Variants in SORCS2 observed in about 807,000 individuals in gnomAD.
SORCS2 encodes the protein VPS10 domain-containing receptor SorCS2.
A neutral mutation model predicts 141.6 loss-of-function variants in SORCS2; 100 were observed. The observed-to-expected ratio is 0.71, with a 90% CI of 0.60 to 0.83. The LOEUF is 0.83. Ranked by LOEUF, SORCS2 falls within the 40% of genes least tolerant of loss-of-function variation. SORCS2 has a pLI of 0.00. For synonymous variants in SORCS2, 789 were observed against 676.9 expected (o/e 1.17, Z -2.57); for missense variants, 1,646 against 1,560.2 (o/e 1.05, Z -0.93).
chr4:7,326,841 G>A (rs116143669), intron 1 of SORCS2, among the ~76,000 whole-genome samples: 4,155 of 152,380 alleles, frequency 0.027, 189 homozygotes, highest in African/African-American at 0.094. Flanking sequence ...GGTGGGACAG[G>A]GCAGCTCCAG....
At chr4:7,624,900 T>C (rs886594103) in intron 3 of SORCS2, among the ~76,000 whole-genome samples, 1 of 152,220 alleles carries the variant, frequency 6.6e-6, no homozygotes, top group African/African-American at 2.4e-5. Context: ...AGATCATCAG[T>C]GATCATGGAG....
At chr4:7,289,961 G>A (rs978697045) in intron 1 of SORCS2, among the ~76,000 whole-genome samples, 8 of 152,168 alleles carry the variant, frequency 5.3e-5, no homozygotes, top group African/African-American at 1.7e-4. Flanking sequence ...GTCCCCTTCC[G>A]ATTGCCTGAA....
At chr4:7,485,912 G>A (rs182403072) in intron 2 of SORCS2, among the ~76,000 whole-genome samples, 4 of 152,294 alleles carry the variant, frequency 2.6e-5, no homozygotes, top group African/African-American at 9.6e-5. Flanking sequence ...GCACCATGGG[G>A]CTTCCTCTGT....
At chr4:7,272,187 ATAGTATT>A (rs1715189339) in intron 1 of SORCS2, among the ~76,000 whole-genome samples, 1 of 152,218 alleles carries the variant, frequency 6.6e-6, no homozygotes, top group Non-Finnish European at 1.5e-5. Flanking sequence ...TTACGATAAG[ATAGTATT>A]AAAAGGCTGC....
At chr4:7,225,263 T>C (rs1221084945) in intron 1 of SORCS2, among the ~76,000 whole-genome samples, 1 of 152,188 alleles carries the variant, frequency 6.6e-6, no homozygotes, top group Non-Finnish European at 1.5e-5. Context: ...TAGTCATGGC[T>C]CCTGGATGCC....
chr4:7,238,552 C>T lies in SORCS2; in HGVS notation c.480+45426C>T, dbSNP rs978227527. On this transcript the variant is annotated intron_variant, in intron 1 of 26. Coordinates refer to ENST00000507866, the MANE Select transcript of SORCS2 (RefSeq NM_020777.3). ...CTCTCAGGAGTGAGGGGCCTGTGTG[C>T]GTGTGCTCACGTGTGTGCATATATG... 7.9e-5 allele frequency among the ~76,000 whole-genome samples: 12 copies of T among 152,152 alleles called. No individual in the cohort carries two copies. In the South Asian group the frequency reaches 8.3e-4, roughly 11 times the overall value.
At chr4:7,705,760 C>G (rs1024287234) in intron 14 of SORCS2, among the ~76,000 whole-genome samples, 1 of 152,258 alleles carries the variant, frequency 6.6e-6, no homozygotes, top group Non-Finnish European at 1.5e-5. Context: ...TTCACACCCT[C>G]GACCCTGAGT....
In SORCS2 at chr4:7,436,258, C is replaced by G. The variant is rs150185643; in HGVS notation, c.548+39903C>G. Reference sequence around the variant, plus strand: ...CAGGTGGGGCTGGAGACGTGGGTGTCCTTACCTGGACTTGGCTCAGCCAAG... The same window carrying G: ...CAGGTGGGGCTGGAGACGTGGGTGTGCTTACCTGGACTTGGCTCAGCCAAG... On this transcript the variant is annotated intron_variant, in intron 2 of 26. Transcript: ENST00000507866. Among the ~76,000 whole-genome samples the G allele has an allele frequency of 4.6e-3, 695 of 152,324 alleles. 4 individuals are homozygous for G. Among genetic ancestry groups the G allele is most frequent in the African/African-American group, 0.016 (666 of 41,562 alleles).
intron 1 of SORCS2, among the ~76,000 whole-genome samples, chr4:7,362,224 C>T (rs76133821): frequency 6.6e-6 from 1 of 152,056 alleles, no homozygotes; most frequent in African/African-American, 2.4e-5. Context: ...AGCCGCCAGT[C>T]GTCCTCTGAA....
chr4:7,718,085 C>T lies in SORCS2; in HGVS notation c.2326C>T (p.Pro776Ser). 1 of 1,611,772 alleles carries T rather than the reference C, an allele frequency of 6.2e-7. No individual in the cohort carries two copies. Among genetic ancestry groups the T allele is most frequent in the Non-Finnish European group, 8.5e-7 (1 of 1,179,108 alleles). Reference protein sequence around the residue: ...MQQSQVQLQCPLTPPRGLQVS... With the variant: ...MQQSQVQLQCSLTPPRGLQVS... Reference sequence around the variant, plus strand: ...GCAGAGTCAGGTGCAGCTGCAGTGCCCCCTCACGCCGCCCCGGGGCCTGCA... The same window carrying T: ...GCAGAGTCAGGTGCAGCTGCAGTGCTCCCTCACGCCGCCCCGGGGCCTGCA... Residue 776 changes from proline (P) to serine (S), a missense_variant, in exon 18 of 27, where the codon CCC becomes TCC. Coordinates refer to ENST00000507866, the MANE Select transcript of SORCS2 (RefSeq NM_020777.3).
intron 1 of SORCS2, among the ~76,000 whole-genome samples, chr4:7,250,241 TAAAA>T (rs1713400543): frequency 7.5e-6 from 1 of 133,204 alleles, no homozygotes; most frequent in Non-Finnish European, 1.6e-5. Flanking sequence ...GGGCTCTGTC[TAAAA>T]AGAAAGAAAG....
chr4:7,489,169 C>G (rs893591816), intron 2 of SORCS2, among the ~76,000 whole-genome samples: 22 of 152,202 alleles, frequency 1.4e-4, no homozygotes, highest in Non-Finnish European at 3.1e-4. Flanking sequence ...AGCTGGTTCC[C>G]TGGACCCTCT....
chr4:7,424,628 C>T (rs994346756), intron 2 of SORCS2, among the ~76,000 whole-genome samples: 5 of 152,186 alleles, frequency 3.3e-5, no homozygotes, highest in Admixed American at 1.3e-4. Context: ...CCTCTGCTAA[C>T]GTGACGTGTG....
At chr4:7,445,706 G>A (rs10013270) in intron 2 of SORCS2, among the ~76,000 whole-genome samples, 49,484 of 151,934 alleles carry the variant, frequency 0.33, 8,488 homozygotes, top group East Asian at 0.61. Flanking sequence ...TTGTGGCCCT[G>A]GGCCAGTCAC....
chr4:7,373,061 A>G (rs1317768057), intron 1 of SORCS2, among the ~76,000 whole-genome samples: 1 of 145,412 alleles, frequency 6.9e-6, no homozygotes, highest in Non-Finnish European at 1.5e-5. Context: ...GTTTGTGTGC[A>G]GGTCTTGGTG....
At chr4:7,674,393 G>T (rs940272312) in intron 8 of SORCS2, among the ~76,000 whole-genome samples, 1 of 151,892 alleles carries the variant, frequency 6.6e-6, no homozygotes, top group African/African-American at 2.4e-5. Context: ...CTAACACAGT[G>T]AAACCCCGTC....
chr4:7,669,814 G>T (rs1348801696), intron 8 of SORCS2, among the ~76,000 whole-genome samples: 4 of 152,186 alleles, frequency 2.6e-5, no homozygotes, highest in Admixed American at 6.5e-5. Flanking sequence ...ATTATGAGCA[G>T]TCCTGGGTCT....
chr4:7,589,984 AG>A, intron 3 of SORCS2, among the ~76,000 whole-genome samples: 1 of 152,258 alleles, frequency 6.6e-6, no homozygotes, highest in East Asian at 1.9e-4. Flanking sequence ...GGGCTATTGG[AG>A]CAGCAAGGAG....
intron 1 of SORCS2, among the ~76,000 whole-genome samples, chr4:7,298,195 G>T (rs980068033): frequency 1.3e-5 from 2 of 152,190 alleles, no homozygotes; most frequent in African/African-American, 4.8e-5. Flanking sequence ...ACCCCCTGGG[G>T]TCCAGGACAT....
Sources: allele counts gnomAD v4.1 joint callset (sites outside exome capture counted in the v4.1 genomes callset), GRCh38; gene constraint gnomAD v4.1.1; transcripts MANE v1.5; gene names NCBI Gene and HGNC (gene_info 2026-07-23, HGNC 2026-07-21).